Variants in LGSN observed in about 807,000 individuals in gnomAD.
LGSN encodes lengsin, lens protein with glutamine synthetase domain, also known as lengsin.
A neutral mutation model predicts 19.5 loss-of-function variants in LGSN; 21 were observed. The ratio of observed to expected loss-of-function variants is 1.07; its 90% confidence interval spans 0.76 to 1.55. The LOEUF (loss-of-function observed/expected upper bound fraction) is 1.55. Among genes scored for constraint, LGSN ranks in the 40% most tolerant of loss-of-function variants. The probability of loss-of-function intolerance (pLI) is 0.00; values close to 1 mark genes in which losing one functional copy is unlikely to be tolerated. For missense variants in LGSN, 673 were observed against 608.5 expected (o/e 1.11, Z -1.12); for synonymous variants, 257 against 215.6 (o/e 1.19, Z -1.68).
At position 63,279,614 on chromosome 6, in the gene LGSN, TG is replaced by T. The variant is rs1767210971; in HGVS notation, c.*406del. On this transcript the variant is annotated 3_prime_UTR_variant, in exon 4 of 4. Transcript: ENST00000370657. ...GTCTCCCTGGAAATCATAACCTATGTGTACCATTAAAATTTTTTCTCCTTTT... is the reference window on the plus strand; with the variant it reads ...GTCTCCCTGGAAATCATAACCTATGTTACCATTAAAATTTTTTCTCCTTTT... The T allele has an allele frequency of 4.4e-5, 7 of 160,164 alleles. No individual in the cohort carries two copies. Among genetic ancestry groups the T allele is most frequent in the African/African-American group, 1.7e-4 (7 of 41,522 alleles). The allele number at this position is 160,164 out of a possible 1,614,324, so 9.9% of individuals were successfully genotyped here. A position where few individuals can be genotyped will look rare whatever the true frequency, so the allele number is the denominator to read the frequency against.
chr6:63,523,281 A>G, the LGSN span, among the ~76,000 whole-genome samples: 1 of 152,034 alleles, frequency 6.6e-6, no homozygotes, highest in East Asian at 1.9e-4. Flanking sequence ...ATTATACACA[A>G]TATGATGTCT....
chr6:63,357,723 T>C, the LGSN span, among the ~76,000 whole-genome samples: 1 of 152,252 alleles, frequency 6.6e-6, no homozygotes, highest in South Asian at 2.1e-4. Flanking sequence ...TTGTAGATTC[T>C]GGATATTAGC....
the LGSN span, among the ~76,000 whole-genome samples, chr6:63,341,976 C>T: frequency 1.3e-5 from 2 of 152,252 alleles, no homozygotes; most frequent in South Asian, 2.1e-4. Context: ...TGCAAAGGAA[C>T]AGGGATGGTG....
chr6:63,510,572 C>T, the LGSN span, among the ~76,000 whole-genome samples: 2 of 149,232 alleles, frequency 1.3e-5, no homozygotes, highest in African/African-American at 4.9e-5. Context: ...TCCCCACTTT[C>T]GTTCAATATC....
At chr6:63,387,976 C>T in the LGSN span, among the ~76,000 whole-genome samples, 2 of 152,104 alleles carry the variant, frequency 1.3e-5, no homozygotes, top group East Asian at 1.9e-4. Flanking sequence ...AGTGATTCTC[C>T]TTCCTCAGCC....
the LGSN span, among the ~76,000 whole-genome samples, chr6:63,412,734 A>G: frequency 0.032 from 1,417 of 44,528 alleles, 12 homozygotes; most frequent in African/African-American, 0.12. Context: ...AAAGAAAGAA[A>G]GAAAGAAAGA....
chr6:63,387,932 C>A, the LGSN span, among the ~76,000 whole-genome samples: 2 of 152,052 alleles, frequency 1.3e-5, no homozygotes, highest in Admixed American at 6.5e-5. Context: ...GTGGCACAAT[C>A]TTGGCTCACT....
chr6:63,523,733 A>AT, the LGSN span, among the ~76,000 whole-genome samples: 4 of 151,828 alleles, frequency 2.6e-5, no homozygotes, highest in East Asian at 3.9e-4. Context: ...TTTTTTTGCG[A>AT]TTTTTTTAAG....
At chr6:63,285,562 T>G in intron 3 of LGSN, 25 bp downstream of exon 3, 1 of 1,570,858 alleles carries the variant, frequency 6.4e-7, no homozygotes, top group Non-Finnish European at 8.7e-7. Context: ...GAAATTACAT[T>G]TAGTCACAAC....
the LGSN span, among the ~76,000 whole-genome samples, chr6:63,336,557 G>GTATATA: frequency 1.3e-4 from 18 of 136,112 alleles, no homozygotes; most frequent in East Asian, 2.8e-3. Flanking sequence ...GTGTGTGTGT[G>GTATATA]TGTGTATATA....
At chr6:63,321,578 C>CT (rs1304655660), upstream of LGSN, among the ~76,000 whole-genome samples, 1 of 151,920 alleles carries the variant, frequency 6.6e-6, no homozygotes, top group Non-Finnish European at 1.5e-5. Context: ...TTATAATATC[C>CT]TTTCCTGAAC....
the LGSN span, among the ~76,000 whole-genome samples, chr6:63,505,586 AAAG>A: frequency 1.9e-5 from 2 of 106,204 alleles, 1 homozygote; most frequent in Non-Finnish European, 4.3e-5. Flanking sequence ...AGAAAGAAAG[AAAG>A]AAAGAAAGAA....
rs1324271412 is a variant in LGSN, at chr6:63,281,460, G to A, written c.331-240C>T. Among the ~76,000 whole-genome samples, 3 of 150,726 alleles carry A rather than the reference G, an allele frequency of 2.0e-5. No homozygotes were observed. The East Asian group carries it at 5.8e-4, about 29-fold the overall frequency. On this transcript the variant is annotated intron_variant, in intron 3 of 3. Coordinates refer to ENST00000370657, the MANE Select transcript of LGSN (RefSeq NM_016571.3). Reference sequence around the variant, plus strand: ...ACAATGCATTGTTTTAAGCCTTGAAGGCCTTATATGCTCTTAGATCTGAAA... The same window carrying A: ...ACAATGCATTGTTTTAAGCCTTGAAAGCCTTATATGCTCTTAGATCTGAAA...
chr6:63,502,773 G>A, the LGSN span, among the ~76,000 whole-genome samples: 1 of 152,108 alleles, frequency 6.6e-6, no homozygotes, highest in Non-Finnish European at 1.5e-5. Context: ...TCACTTCTGG[G>A]AGGATTCAAG....
chr6:63,456,442 A>T, the LGSN span, among the ~76,000 whole-genome samples: 4 of 139,726 alleles, frequency 2.9e-5, no homozygotes, highest in Admixed American at 3.0e-4. Context: ...TGTTGCCCAG[A>T]CTGGTCTCAA....
chr6:63,412,097 T>C, the LGSN span, among the ~76,000 whole-genome samples: 2 of 152,096 alleles, frequency 1.3e-5, no homozygotes, highest in East Asian at 1.9e-4. Context: ...TCGGGCAAAG[T>C]GGCTTACGCC....
the LGSN span, among the ~76,000 whole-genome samples, chr6:63,363,423 AC>A: frequency 6.6e-5 from 10 of 152,344 alleles, no homozygotes; most frequent in South Asian, 2.1e-3. Context: ...GGATGTTCCA[AC>A]CCATCGCAAA....
At chr6:63,552,523 A>G in the LGSN span, among the ~76,000 whole-genome samples, 1 of 152,262 alleles carries the variant, frequency 6.6e-6, no homozygotes, top group African/African-American at 2.4e-5. Flanking sequence ...TACTGTGCAG[A>G]AGCTCTTTAG....
the LGSN span, among the ~76,000 whole-genome samples, chr6:63,387,434 A>G: frequency 6.6e-6 from 1 of 152,158 alleles, no homozygotes; most frequent in African/African-American, 2.4e-5. Flanking sequence ...ATAATGATTT[A>G]AGAGATTATA....
Sources: allele counts gnomAD v4.1 joint callset (sites outside exome capture counted in the v4.1 genomes callset), GRCh38; gene constraint gnomAD v4.1.1; transcripts MANE v1.5; gene names NCBI Gene and HGNC (gene_info 2026-07-23, HGNC 2026-07-21).